Variants in AREL1 observed in about 807,000 individuals in gnomAD.
The protein encoded by AREL1 is apoptosis-resistant E3 ubiquitin protein ligase 1.
AREL1 carries 62 observed loss-of-function variants against 99.0 expected under a neutral mutation model. That is an observed-to-expected ratio of 0.63 (90% CI 0.51 to 0.77). AREL1 has a LOEUF of 0.77. Among genes scored for constraint, AREL1 ranks in the 30% least tolerant of loss-of-function variants. The pLI, the probability that AREL1 is intolerant of heterozygous loss-of-function variation, is 0.00. For missense variants in AREL1, 879 were observed against 1,027.6 expected (o/e 0.86, Z 1.98); for synonymous variants, 380 against 376.5 (o/e 1.01, Z -0.11).
In AREL1 at chr14:74,692,156, A is replaced by G. The variant is rs1371074250; in HGVS notation, c.-161T>C. 1 of 444,474 alleles carries G rather than the reference A, an allele frequency of 2.2e-6. No individual in the cohort carries two copies. Among genetic ancestry groups the G allele is most frequent in the South Asian group, 1.6e-5 (1 of 61,696 alleles). The allele number at this position is 444,474 out of a possible 1,614,324, so 27.5% of individuals were successfully genotyped here. A position where few individuals can be genotyped will look rare whatever the true frequency, so the allele number is the denominator to read the frequency against. The stretch of plus-strand genomic sequence containing the variant: ...AACTTCCACATGAAAGAAAAACGCC[A>G]CAAGGTCAACAGAAAGGGTCTATCC... On this transcript the variant is annotated 5_prime_UTR_variant, in exon 2 of 20. Coordinates refer to ENST00000356357, the MANE Select transcript of AREL1 (RefSeq NM_001039479.2).
In AREL1 at chr14:74,675,803, G is replaced by C; in HGVS notation, c.976C>G (p.Pro326Ala). 6.2e-7 allele frequency: 1 copy of C among 1,614,182 alleles called. No individual in the cohort carries two copies. Among genetic ancestry groups the C allele is most frequent in the Non-Finnish European group, 8.5e-7 (1 of 1,180,028 alleles). The part of the protein sequence containing the change: ...PMHMTSSQRR[P>A]STAVDEEDED... ...TCTTCCTCGTCAACAGCAGTGGATG[G>C]CCGGCGCTGGGAAGAGGTCATGTGC... The change falls in exon 8 of 20, where the codon CCA becomes GCA. Residue 326 changes from proline to alanine, a missense_variant. By Grantham distance (27) the Pro-to-Ala change is conservative. Coordinates refer to ENST00000356357, the MANE Select transcript of AREL1 (RefSeq NM_001039479.2).
chr14:74,708,419 C>T (rs1288317015), intron 1 of AREL1, among the ~76,000 whole-genome samples: 2 of 152,048 alleles, frequency 1.3e-5, no homozygotes, highest in South Asian at 2.1e-4. Flanking sequence ...TTCTTCTTTA[C>T]CAAGACATGA....
intron 1 of AREL1, among the ~76,000 whole-genome samples, chr14:74,695,665 C>T (rs991412252): frequency 1.3e-5 from 2 of 152,118 alleles, no homozygotes; most frequent in Non-Finnish European, 2.9e-5. Context: ...AAGATACCTC[C>T]GTTATAGCAT....
At chr14:74,670,582 A>G (rs2089312504) in intron 13 of AREL1, 180 bp downstream of exon 13, 2 of 557,922 alleles carry the variant, frequency 3.6e-6, no homozygotes, top group South Asian at 5.3e-5. Flanking sequence ...CTTATTTTAC[A>G]GATGAAATAA....
chr14:74,664,407 T>TCAACTG (rs1286141070), intron 18 of AREL1, among the ~76,000 whole-genome samples: 1 of 151,206 alleles, frequency 6.6e-6, no homozygotes, highest in Admixed American at 6.6e-5. Context: ...AGAAAACATA[T>TCAACTG]CAACTGCTTT....
chr14:74,674,396 T>G (rs1441165081), intron 8 of AREL1, among the ~76,000 whole-genome samples: 1 of 152,156 alleles, frequency 6.6e-6, no homozygotes, highest in Non-Finnish European at 1.5e-5. Flanking sequence ...GGCCAGGAGT[T>G]CAAGACCAGC....
intron 15 of AREL1, 85 bp from the exon 16 acceptor site, chr14:74,667,679 A>G: frequency 6.7e-7 from 1 of 1,487,898 alleles, no homozygotes. Context: ...TTTTATAGAC[A>G]CAGATTACTG....
At chr14:74,678,638 T>C (rs1316182344) in intron 5 of AREL1, among the ~76,000 whole-genome samples, 5 of 112,088 alleles carry the variant, frequency 4.5e-5, no homozygotes, top group South Asian at 5.2e-4. Context: ...AGCAATGTAA[T>C]AGAAAATGAA....
chr14:74,684,843 G>A (rs752059529), intron 3 of AREL1, among the ~76,000 whole-genome samples, 163 bp from the exon 4 acceptor site: 1 of 152,116 alleles, frequency 6.6e-6, no homozygotes, highest in Non-Finnish European at 1.5e-5. Flanking sequence ...GATAAGAAAG[G>A]AACTTCTACA....
At chr14:74,678,982 C>T (rs1019654137) in intron 5 of AREL1, among the ~76,000 whole-genome samples, 12 of 152,128 alleles carry the variant, frequency 7.9e-5, no homozygotes, top group African/African-American at 2.7e-4. Flanking sequence ...CCTCAACCTC[C>T]TGGGCTTGTT....
chr14:74,673,717 A>C (rs1274992538), intron 9 of AREL1, among the ~76,000 whole-genome samples: 2 of 152,230 alleles, frequency 1.3e-5, no homozygotes, highest in Non-Finnish European at 2.9e-5. Context: ...AGTTAGCTTC[A>C]GCACACTGGG....
At chr14:74,692,444 A>G (rs2089902681) in intron 1 of AREL1, 116 bp from the exon 2 acceptor site, 1 of 328,954 alleles carries the variant, frequency 3.0e-6, no homozygotes, top group East Asian at 9.4e-5. Context: ...GGACACTAAA[A>G]ATAACCAAAA....
intron 1 of AREL1, chr14:74,698,740 C>A: frequency 5.7e-6 from 1 of 173,936 alleles, no homozygotes; most frequent in Admixed American, 5.8e-5. Flanking sequence ...AATGAGTAAG[C>A]AGGCTGAGCA....
rs2089121643 is a variant in AREL1, at chr14:74,663,077, CCAGAAATGCCCGA to C, written c.*630_*642del. 1 of 158,626 alleles carries C rather than the reference CCAGAAATGCCCGA, an allele frequency of 6.3e-6. No homozygotes were observed. The highest frequency in any genetic ancestry group is 2.0e-4 in the South Asian group (1 of 4,970). 9.8% of individuals were successfully genotyped at this position (158,626 alleles called of 1,614,324 possible). A position where few individuals can be genotyped will look rare whatever the true frequency, so the allele number is the denominator to read the frequency against. On this transcript the variant is annotated 3_prime_UTR_variant, in exon 20 of 20. Coordinates refer to ENST00000356357, the MANE Select transcript of AREL1 (RefSeq NM_001039479.2). ...CTTCTTTGTGGATTAATAATCATTT[CCAGAAATGCCCGA>C]AGGGAAAGTGCTTTTTCCAGTTCTG...
intron 5 of AREL1, 31 bp from the exon 6 acceptor site, chr14:74,676,783 A>G (rs1433405687): frequency 4.1e-6 from 6 of 1,465,034 alleles, no homozygotes; most frequent in South Asian, 1.5e-5. Flanking sequence ...TCTAACATTT[A>G]TTTATTTTAT....
intron 1 of AREL1, among the ~76,000 whole-genome samples, chr14:74,696,945 C>T (rs12883928): frequency 6.6e-6 from 1 of 152,044 alleles, no homozygotes; most frequent in African/African-American, 2.4e-5. Context: ...TCCTGGGTGA[C>T]AAAGCAAGAC....
chr14:74,676,765 C>T lies in AREL1; in HGVS notation c.482-13G>A. 8 of 1,539,494 alleles carry T rather than the reference C, an allele frequency of 5.2e-6. No individual in the cohort carries two copies. The highest frequency in any genetic ancestry group is 7.0e-6 in the Non-Finnish European group (8 of 1,147,298). On this transcript the variant is annotated splice_polypyrimidine_tract_variant and intron_variant, in intron 5 of 19. Coordinates refer to ENST00000356357, the MANE Select transcript of AREL1 (RefSeq NM_001039479.2). ...GGAACCACCATTCCTGGAACAAAGA[C>T]AATGGAATCTAACATTTATTTATTT...
intron 1 of AREL1, among the ~76,000 whole-genome samples, chr14:74,711,235 CA>C (rs142774254): frequency 0.33 from 26,685 of 79,746 alleles, 2,708 homozygotes; most frequent in South Asian, 0.4. Context: ...AACTCCGTCT[CA>C]AAAAAAAAAA....
chr14:74,683,344 C>G lies in AREL1; in HGVS notation c.433G>C (p.Gly145Arg), dbSNP rs2089675289. Residue 145 changes from glycine (G) to arginine (R), a missense_variant, in exon 5 of 20, where the codon GGT becomes CGT. Gly to Arg is a moderately radical substitution (Grantham distance 125). Coordinates refer to ENST00000356357, the MANE Select transcript of AREL1 (RefSeq NM_001039479.2). Reference sequence around the variant, plus strand: ...GGACTATATGCCACATTTAATCCACCAAGCTTCACTGTGATTTCATAACGC... The same window carrying G: ...GGACTATATGCCACATTTAATCCACGAAGCTTCACTGTGATTTCATAACGC... ...AGRYEITVKLGGLNVAYSPYY... is the reference protein window; with the variant it reads ...AGRYEITVKLRGLNVAYSPYY... The G allele has an allele frequency of 6.2e-7, 1 of 1,614,060 alleles. No homozygotes were observed. Among genetic ancestry groups the G allele is most frequent in the Non-Finnish European group, 8.5e-7 (1 of 1,180,010 alleles).
Sources: allele counts gnomAD v4.1 joint callset (sites outside exome capture counted in the v4.1 genomes callset), GRCh38; gene constraint gnomAD v4.1.1; transcripts MANE v1.5; gene names NCBI Gene and HGNC (gene_info 2026-07-23, HGNC 2026-07-21).